The following SLC4A4 variants were observed in gnomAD, a reference collection of about 807,000 sequenced individuals.
SLC4A4 encodes the protein electrogenic sodium bicarbonate cotransporter 1.
In SLC4A4, 27 loss-of-function variants were observed where a neutral mutation model predicts 111.5. The observed-to-expected ratio is 0.24, with a 90% CI of 0.18 to 0.33. SLC4A4 has a LOEUF of 0.33. Ranked by LOEUF, SLC4A4 falls within the 10% of genes least tolerant of loss-of-function variation. The pLI is 1.00. For synonymous variants in SLC4A4, 443 were observed against 463.4 expected (o/e 0.96, Z 0.57); for missense variants, 909 against 1,315.5 (o/e 0.69, Z 4.78).
intron 6 of SLC4A4, among the ~76,000 whole-genome samples, chr4:71,390,917 A>T (rs1719194855): frequency 2.0e-5 from 3 of 152,194 alleles, no homozygotes; most frequent in African/African-American, 7.2e-5. Context: ...AATAATACTA[A>T]CCTCACAGTG....
chr4:71,445,694 G>A (rs911927301), intron 8 of SLC4A4, among the ~76,000 whole-genome samples: 1 of 152,076 alleles, frequency 6.6e-6, no homozygotes, highest in Non-Finnish European at 1.5e-5. Context: ...TCAGGCAAAC[G>A]AAATTGAGAA....
chr4:71,262,808 G>T, intron 3 of SLC4A4, among the ~76,000 whole-genome samples: 1 of 149,528 alleles, frequency 6.7e-6, no homozygotes, highest in Non-Finnish European at 1.5e-5. Context: ...TTCCCCCCGG[G>T]TGTCATTTCT....
At chr4:71,153,479 C>T (rs922838431) in intron 2 of SLC4A4, among the ~76,000 whole-genome samples, 2 of 152,152 alleles carry the variant, frequency 1.3e-5, no homozygotes, top group African/African-American at 4.8e-5. Flanking sequence ...TGAAACCCAG[C>T]TCTCCTCCTG....
At chr4:71,562,783 TA>T (rs1294212612) in intron 23 of SLC4A4, among the ~76,000 whole-genome samples, 1 of 151,780 alleles carries the variant, frequency 6.6e-6, no homozygotes, top group Non-Finnish European at 1.5e-5. Context: ...GTGGCATCTT[TA>T]TTTTTTTTTC....
chr4:71,353,099 A>T (rs1729987107), intron 5 of SLC4A4, among the ~76,000 whole-genome samples: 1 of 152,172 alleles, frequency 6.6e-6, no homozygotes, highest in Admixed American at 6.5e-5. Context: ...GGCCAAAGAG[A>T]GAAGGTTTTG....
chr4:71,156,588 G>GCGCGCGCACACACA (rs376043069), intron 2 of SLC4A4, among the ~76,000 whole-genome samples: 91 of 138,534 alleles, frequency 6.6e-4, no homozygotes, highest in South Asian at 3.0e-3. Flanking sequence ...GCGCGCGCGC[G>GCGCGCGCACACACA]CACACACACA....
At chr4:71,551,319 T>G (rs1375197545) in intron 20 of SLC4A4, among the ~76,000 whole-genome samples, 4 of 151,960 alleles carry the variant, frequency 2.6e-5, no homozygotes, top group Non-Finnish European at 5.9e-5. Context: ...TTAATTTGTA[T>G]TTGGAAAATA....
intron 1 of SLC4A4, among the ~76,000 whole-genome samples, chr4:71,220,809 A>C (rs72850680): frequency 0.021 from 3,238 of 152,138 alleles, 117 homozygotes; most frequent in African/African-American, 0.074. Flanking sequence ...GTATTATTTC[A>C]TCACCCATGT....
At chr4:71,462,012 T>G (rs529291984) in intron 12 of SLC4A4, among the ~76,000 whole-genome samples, 1 of 152,308 alleles carries the variant, frequency 6.6e-6, no homozygotes, top group South Asian at 2.1e-4. Flanking sequence ...AGGCTTTTTT[T>G]TACCTGTTTC....
At chr4:71,296,862 A>T (rs375021785) in intron 3 of SLC4A4, among the ~76,000 whole-genome samples, 3 of 152,198 alleles carry the variant, frequency 2.0e-5, no homozygotes, top group Admixed American at 2.0e-4. Context: ...GATAGAAAAT[A>T]AAGGGCAGAA....
intron 11 of SLC4A4, 101 bp downstream of exon 11, chr4:71,451,402 A>G (rs973683165): frequency 6.2e-6 from 5 of 802,878 alleles, no homozygotes; most frequent in Non-Finnish European, 8.8e-6. Flanking sequence ...TCATCTGTTC[A>G]GCCAACAAAT....
chr4:71,241,963 T>C (rs1381021547), intron 2 of SLC4A4, among the ~76,000 whole-genome samples: 2 of 152,188 alleles, frequency 1.3e-5, no homozygotes, highest in East Asian at 3.9e-4. Context: ...GCTCTGTAGC[T>C]GCCTGACATC....
intron 12 of SLC4A4, among the ~76,000 whole-genome samples, chr4:71,459,566 A>T (rs930378905): frequency 6.6e-6 from 1 of 152,050 alleles, no homozygotes; most frequent in Non-Finnish European, 1.5e-5. Flanking sequence ...CACATGATGC[A>T]TGTGCTATTA....
Position 71,571,919 on chromosome 4 carries a change from T to G in SLC4A4, c.*4168T>G. The G allele has an allele frequency of 6.6e-6, 1 of 152,402 alleles. No homozygotes were observed. The highest frequency in any genetic ancestry group is 1.9e-4 in the East Asian group (1 of 5,148). The allele number at this position is 152,402 out of a possible 1,614,324, so 9.4% of individuals were successfully genotyped here. ...AACATTTCAATATATTACTAATAAC[T>G]TTTTCCAATATAAATCCTAAAATTC... On this transcript the variant is annotated 3_prime_UTR_variant, in exon 26 of 26. Transcript: ENST00000264485.
intron 2 of SLC4A4, among the ~76,000 whole-genome samples, chr4:71,138,075 T>C (rs1225452796): frequency 1.3e-5 from 2 of 152,162 alleles, no homozygotes; most frequent in East Asian, 1.9e-4. Flanking sequence ...TCATAGCAGG[T>C]CTCTAAAAGA....
intron 3 of SLC4A4, among the ~76,000 whole-genome samples, chr4:71,280,912 T>G (rs1433330653): frequency 6.6e-6 from 1 of 152,230 alleles, no homozygotes; most frequent in Non-Finnish European, 1.5e-5. Context: ...TATATGAAAG[T>G]GCACAAGTAA....
At chr4:71,214,468 G>A (rs936243045) in intron 1 of SLC4A4, among the ~76,000 whole-genome samples, 12 of 152,040 alleles carry the variant, frequency 7.9e-5, no homozygotes, top group Admixed American at 5.9e-4. Flanking sequence ...CAGGATATAT[G>A]ACCCTTGTAT....
intron 2 of SLC4A4, among the ~76,000 whole-genome samples, chr4:71,138,356 G>C (rs956254405): frequency 6.6e-6 from 1 of 152,084 alleles, no homozygotes; most frequent in Non-Finnish European, 1.5e-5. Context: ...TAAAGCACAG[G>C]TTCCAATCAA....
At position 71,408,738 on chromosome 4, in the gene SLC4A4, C is replaced by T. The variant is rs1007473418; in HGVS notation, c.807+11085C>T. Among the ~76,000 whole-genome samples, 23 of 152,076 alleles carry T rather than the reference C, an allele frequency of 1.5e-4. 1 individual carries two copies. The highest frequency in any genetic ancestry group is 5.3e-4 in the African/African-American group (22 of 41,396). ...TCAAGTGTTACTTTTTCTTTATATC[C>T]ATCCTTGAATATTCCAGCTTATGTT... On this transcript the variant is annotated intron_variant, in intron 7 of 25. Coordinates refer to ENST00000264485, the MANE Select transcript of SLC4A4 (RefSeq NM_001098484.3).
Sources: gnomAD v4.1 joint callset for allele counts (sites outside exome capture counted in the v4.1 genomes callset) on GRCh38, gnomAD v4.1.1 for gene constraint, MANE v1.5 for transcripts, NCBI Gene and HGNC (gene_info 2026-07-23, HGNC 2026-07-21) for gene names.